The following MGAT5B variants were observed in gnomAD, a reference collection of about 807,000 sequenced individuals.
MGAT5B encodes the protein N-acetylglucosaminyl-transferase Vb.
Under a neutral mutation model 95.1 loss-of-function variants are expected in MGAT5B, and 54 were observed. The observed-to-expected ratio is 0.57, with a 90% confidence interval of 0.46 to 0.71. The LOEUF is 0.71. Ranked by LOEUF, MGAT5B falls within the 30% of genes least tolerant of loss-of-function variation. The probability of loss-of-function intolerance (pLI) is 0.00; values close to 1 mark genes in which losing one functional copy is unlikely to be tolerated. For missense variants in MGAT5B, 935 were observed against 1,088.6 expected, an observed-to-expected ratio of 0.86 and a Z score of 1.99; for synonymous variants, 464 against 451.0, an observed-to-expected ratio of 1.03 and a Z score of -0.36.
At position 76,948,646 on chromosome 17, in the gene MGAT5B, G is replaced by T; in HGVS notation, c.2187G>T (p.Gln729His). ...LNSQDAFLKL[Q>H]VPCDSTESEM... ...GCTGTGTGGTCCCTGCCAGGCTGCA[G>T]GTGCCCTGTGACAGCACCGAGTCGG... Residue 729 changes from glutamine to histidine, a missense_variant, in exon 18 of 18, where the codon CAG becomes CAT. Physicochemically the swap from Gln to His is conservative, Grantham distance 24. Around this residue, in one of 4 missense-constraint regions of MGAT5B, gnomAD observed 440 missense variants for 523.6 expected, o/e 0.84. Coordinates refer to ENST00000569840, the MANE Select transcript of MGAT5B (RefSeq NM_001199172.2). 1 of 1,611,544 alleles carries T rather than the reference G, an allele frequency of 6.2e-7. No homozygotes were observed. Among genetic ancestry groups the T allele is most frequent in the Non-Finnish European group, 8.5e-7 (1 of 1,179,256 alleles).
At chr17:76,902,527 T>C in intron 3 of MGAT5B, 28 bp from the exon 4 acceptor site, 1 of 1,533,326 alleles carries the variant, frequency 6.5e-7, no homozygotes, top group Non-Finnish European at 8.9e-7. Context: ...GCCGGTTCTG[T>C]GGCTCACCTC....
chr17:76,890,232 A>G (rs988150160), intron 3 of MGAT5B, among the ~76,000 whole-genome samples: 4 of 152,166 alleles, frequency 2.6e-5, no homozygotes, highest in African/African-American at 9.7e-5. Flanking sequence ...CCTCGGGTGG[A>G]GCAATTTCGG....
intron 2 of MGAT5B, among the ~76,000 whole-genome samples, chr17:76,877,517 T>C (rs1242073070): frequency 6.6e-6 from 1 of 151,978 alleles, no homozygotes. Context: ...GCTCTGGCCC[T>C]TGGTACTAAG....
At chr17:76,902,426 G>C (rs1410066698) in intron 3 of MGAT5B, 129 bp from the exon 4 acceptor site, 3 of 641,100 alleles carry the variant, frequency 4.7e-6, no homozygotes, top group African/African-American at 1.8e-5. Flanking sequence ...GGTCTGCTTG[G>C]GGTCAGGGTT....
chr17:76,897,270 G>T (rs1156989667), intron 3 of MGAT5B, among the ~76,000 whole-genome samples: 1 of 152,148 alleles, frequency 6.6e-6, no homozygotes, highest in Non-Finnish European at 1.5e-5. Flanking sequence ...TTCTGCGGAT[G>T]GTGATTATCT....
At chr17:76,904,823 G>A (rs529002440) in intron 6 of MGAT5B, among the ~76,000 whole-genome samples, 51 of 152,356 alleles carry the variant, frequency 3.3e-4, no homozygotes, top group Non-Finnish European at 6.3e-4. Flanking sequence ...GGTTCGAGGC[G>A]CATAGTTGCT....
chr17:76,907,249 G>C (rs522878), intron 8 of MGAT5B, among the ~76,000 whole-genome samples: 20,399 of 152,008 alleles, frequency 0.13, 1,777 homozygotes, highest in African/African-American at 0.22. Context: ...TGGGGTTTCA[G>C]CATGTTGCCC....
At chr17:76,877,836 G>A (rs1967249263) in intron 2 of MGAT5B, among the ~76,000 whole-genome samples, 1 of 152,074 alleles carries the variant, frequency 6.6e-6, no homozygotes, top group Non-Finnish European at 1.5e-5. Context: ...AAGAAAAGGG[G>A]GACGAAGGAG....
At chr17:76,939,032 GT>G (rs1567824666) in intron 13 of MGAT5B, among the ~76,000 whole-genome samples, 588 of 50,008 alleles carry the variant, frequency 0.012, no homozygotes, top group East Asian at 0.025. Context: ...TCTTGGGGGT[GT>G]GTGTGTGTGT....
chr17:76,948,371 C>T (rs1366342869), intron 17 of MGAT5B, among the ~76,000 whole-genome samples: 3 of 152,228 alleles, frequency 2.0e-5, no homozygotes, highest in African/African-American at 7.2e-5. Flanking sequence ...ATCGTCCTGT[C>T]CCAGACCATG....
chr17:76,920,238 C>T (rs1030709783), intron 8 of MGAT5B, among the ~76,000 whole-genome samples: 13 of 152,208 alleles, frequency 8.5e-5, no homozygotes, highest in Non-Finnish European at 1.2e-4. Context: ...ACCCTCCTAT[C>T]TGTGGGGGCT....
At chr17:76,885,394 A>G (rs554211593) in intron 3 of MGAT5B, among the ~76,000 whole-genome samples, 1 of 152,316 alleles carries the variant, frequency 6.6e-6, no homozygotes, top group East Asian at 1.9e-4. Flanking sequence ...GGTCAGGAGC[A>G]GGCCTTTTTG....
intron 10 of MGAT5B, among the ~76,000 whole-genome samples, chr17:76,929,765 G>T (rs1230726539): frequency 6.6e-6 from 1 of 152,138 alleles, no homozygotes; most frequent in Non-Finnish European, 1.5e-5. Context: ...CTAACTGGGG[G>T]GCTGCTGCCT....
In MGAT5B at chr17:76,948,754, CG is replaced by C; in HGVS notation, c.2297del (p.Gly766AlafsTer71). ...QKEPLLFSCAGSNTKYRRLCP... is the reference protein window; with the variant it reads ...QKEPLLFSCAXSNTKYRRLCP... The stretch of plus-strand genomic sequence containing the variant: ...AGGAGCCTCTGCTCTTCAGCTGCGC[CG>C]GCTCCAACACCAAGTACCGCCGGCT... On this transcript the variant is annotated frameshift_variant, in exon 18 of 18. Transcript: ENST00000569840. LOFTEE classifies it high-confidence loss of function. 5.6e-6 allele frequency: 9 copies of C among 1,611,390 alleles called. No individual in the cohort carries two copies. Among genetic ancestry groups the C allele is most frequent in the Non-Finnish European group, 7.6e-6 (9 of 1,179,170 alleles).
chr17:76,925,457 G>A (rs1316817311), intron 9 of MGAT5B, among the ~76,000 whole-genome samples: 1 of 149,634 alleles, frequency 6.7e-6, no homozygotes, highest in East Asian at 2.0e-4. Flanking sequence ...GGGACCTTGG[G>A]GTGGGGAGAG....
Position 76,914,952 on chromosome 17 carries a change from T to C in MGAT5B, c.1025+8765T>C, listed in dbSNP as rs1968874974. 6.6e-6 allele frequency among the ~76,000 whole-genome samples: 1 copy of C among 152,204 alleles called. No individual in the cohort carries two copies. The highest frequency in any genetic ancestry group is 2.1e-4 in the South Asian group (1 of 4,826). ...TGCCCCCGGCCACGTTTCTTCTTTT[T>C]ATAAGGACACCAGTCAACTTGGATT... On this transcript the variant is annotated intron_variant, in intron 8 of 17. Transcript: ENST00000569840. The surrounding 1 kb of genome is among the most constrained non-coding windows in gnomAD (Gnocchi z 5.1).
At chr17:76,904,487 G>T in intron 6 of MGAT5B, 65 bp downstream of exon 6, 1 of 1,491,070 alleles carries the variant, frequency 6.7e-7, no homozygotes, top group South Asian at 1.2e-5. Context: ...AAGGACAGTG[G>T]ACAGAAACCT....
intron 8 of MGAT5B, chr17:76,924,098 G>C (rs546208325): frequency 6.6e-6 from 1 of 152,548 alleles, no homozygotes; most frequent in South Asian, 2.1e-4. Context: ...CTGGCAGGGG[G>C]GGTTGTGGGC....
At chr17:76,936,039 G>A (rs1329879297) in intron 12 of MGAT5B, among the ~76,000 whole-genome samples, 1 of 150,338 alleles carries the variant, frequency 6.7e-6, no homozygotes, top group African/African-American at 2.4e-5. Context: ...GGGCTCAAGC[G>A]ATCCTCCCGC....
Sources: allele counts gnomAD v4.1 joint callset (sites outside exome capture counted in the v4.1 genomes callset), GRCh38; gene constraint gnomAD v4.1.1; regional missense constraint gnomAD v4.1.1; non-coding constraint Gnocchi (gnomAD v3.1); transcripts MANE v1.5; gene names NCBI Gene and HGNC (gene_info 2026-07-23, HGNC 2026-07-21).